OSBPL1A: variants seen among roughly 807,000 people sequenced by gnomAD.
OSBPL1A encodes the protein oxysterol-binding protein-related protein 1.
OSBPL1A carries 80 observed loss-of-function variants against 137.1 expected under a neutral mutation model. That is an observed-to-expected ratio of 0.58 (90% CI 0.49 to 0.70). OSBPL1A has a LOEUF of 0.70. Among genes scored for constraint, OSBPL1A ranks in the 30% least tolerant of loss-of-function variants. OSBPL1A has a pLI of 0.00. For missense variants in OSBPL1A, 970 were observed against 1,129.4 expected, an observed-to-expected ratio of 0.86 and a Z score of 2.02; for synonymous variants, 365 against 389.7, an observed-to-expected ratio of 0.94 and a Z score of 0.75.
In OSBPL1A at chr18:24,163,241, C is replaced by G; in HGVS notation, c.2791G>C (p.Asp931His). 6.2e-7 allele frequency: 1 copy of G among 1,613,528 alleles called. No homozygotes were observed. Among genetic ancestry groups the G allele is most frequent in the Non-Finnish European group, 8.5e-7 (1 of 1,179,674 alleles). Residue 931 changes from aspartate to histidine, a missense_variant, in exon 28 of 28, where the codon GAC becomes CAC. This residue lies in a region of OSBPL1A where 323 missense variants were observed against 456.8 expected (regional missense o/e 0.71). Coordinates refer to ENST00000319481, the MANE Select transcript of OSBPL1A (RefSeq NM_080597.4). Reference protein sequence around the residue: ...QGPNPYNGAQDWIYSGSYWDR... With the variant: ...QGPNPYNGAQHWIYSGSYWDR... ...CAGTAGCTGCCAGAGTAAATCCAGT[C>G]CTGTGCTCCATTGTAGGGATTAGGA...
At chr18:24,243,681 T>C (rs944237149) in intron 15 of OSBPL1A, among the ~76,000 whole-genome samples, 21 of 152,180 alleles carry the variant, frequency 1.4e-4, no homozygotes, top group African/African-American at 4.8e-4. Context: ...GTAAAAGGGG[T>C]TGGAAACAGG....
At chr18:24,341,424 A>C (rs2091271106) in intron 5 of OSBPL1A, 123 bp downstream of exon 5, 10 of 662,502 alleles carry the variant, frequency 1.5e-5, no homozygotes, top group Non-Finnish European at 2.4e-5. Context: ...CCAAGATGAC[A>C]TTATCATTAG....
At chr18:24,329,232 T>G (rs1199787500) in intron 7 of OSBPL1A, among the ~76,000 whole-genome samples, 1 of 151,840 alleles carries the variant, frequency 6.6e-6, no homozygotes, top group Non-Finnish European at 1.5e-5. Flanking sequence ...AGCAAAAGGG[T>G]GAGACCCCAT....
At chr18:24,251,017 C>T (rs2089071998) in intron 15 of OSBPL1A, among the ~76,000 whole-genome samples, 1 of 152,178 alleles carries the variant, frequency 6.6e-6, no homozygotes, top group Admixed American at 6.5e-5. Flanking sequence ...GGAGAGGCTC[C>T]TGTGCCTGTG....
chr18:24,301,036 T>C lies in OSBPL1A; in HGVS notation c.1174+2601A>G, dbSNP rs2146099371. On this transcript the variant is annotated intron_variant, in intron 14 of 27. Transcript: ENST00000319481. ...ATAAAGCACATGGCAGGTAAAAGAC[T>C]ATCCTGTACAAACCCTTGACAGTAA... Among the ~76,000 whole-genome samples the C allele has an allele frequency of 1.3e-5, 2 of 152,248 alleles. 1 individual carries two copies. The highest frequency in any genetic ancestry group is 4.1e-4 in the South Asian group (2 of 4,828).
At position 24,175,135 on chromosome 18, in the gene OSBPL1A, T is replaced by C. The variant is rs200664044; in HGVS notation, c.2094-2652A>G. 4.7e-3 allele frequency among the ~76,000 whole-genome samples: 459 copies of C among 96,636 alleles called. 22 individuals are homozygous for C. The highest frequency in any genetic ancestry group is 0.018 in the African/African-American group (385 of 21,864). 63.4% of individuals were successfully genotyped at this position (96,636 alleles called of 152,430 possible). A position where few individuals can be genotyped will look rare whatever the true frequency, so the allele number is the denominator to read the frequency against. ...ATATATATATATATATATATATATA[T>C]ACACATATATATATATATATGAAGT... On this transcript the variant is annotated intron_variant, in intron 21 of 27. Transcript: ENST00000319481.
At chr18:24,392,357 C>G (rs1422701667) in intron 1 of OSBPL1A, among the ~76,000 whole-genome samples, 1 of 150,310 alleles carries the variant, frequency 6.7e-6, no homozygotes, top group Admixed American at 6.6e-5. Flanking sequence ...TGGGGTTTCT[C>G]CATGTTGGTC....
intron 17 of OSBPL1A, among the ~76,000 whole-genome samples, chr18:24,203,166 G>C (rs1367841628): frequency 1.3e-5 from 2 of 151,994 alleles, no homozygotes; most frequent in African/African-American, 4.8e-5. Context: ...TAGTAGAGAT[G>C]GGGTTTCACC....
chr18:24,313,841 C>T (rs546545170), intron 12 of OSBPL1A, among the ~76,000 whole-genome samples: 3 of 152,326 alleles, frequency 2.0e-5, no homozygotes, highest in Admixed American at 6.5e-5. Flanking sequence ...GTGGCTCATG[C>T]CTGTAATCCC....
intron 12 of OSBPL1A, among the ~76,000 whole-genome samples, chr18:24,313,784 C>A (rs999811715): frequency 3.3e-5 from 5 of 152,158 alleles, no homozygotes; most frequent in African/African-American, 1.2e-4. Flanking sequence ...AATTCATGTA[C>A]CAAATTTTAA....
chr18:24,360,725 G>C (rs909664867), intron 4 of OSBPL1A, among the ~76,000 whole-genome samples: 2 of 152,082 alleles, frequency 1.3e-5, no homozygotes, highest in Admixed American at 1.3e-4. Flanking sequence ...GGTATCTCAG[G>C]TACTCTGTTT....
chr18:24,336,536 G>A (rs934768386), intron 5 of OSBPL1A, among the ~76,000 whole-genome samples: 2 of 152,000 alleles, frequency 1.3e-5, no homozygotes, highest in Non-Finnish European at 2.9e-5. Flanking sequence ...TCGTTCTAAA[G>A]GAGCTATACA....
At chr18:24,388,598 G>A (rs1411026339) in intron 1 of OSBPL1A, among the ~76,000 whole-genome samples, 5 of 151,842 alleles carry the variant, frequency 3.3e-5, no homozygotes, top group East Asian at 1.9e-4. Context: ...TCAGGAGTTC[G>A]AGAGCAGCTT....
intron 20 of OSBPL1A, 40 bp downstream of exon 20, chr18:24,179,698 T>C (rs1275040607): frequency 6.6e-7 from 1 of 1,516,284 alleles, no homozygotes; most frequent in Non-Finnish European, 9.2e-7. Context: ...CTCCTCTTCA[T>C]CTGCAACGCT....
intron 1 of OSBPL1A, among the ~76,000 whole-genome samples, chr18:24,390,694 C>CAAAAAAAAAAA (rs751432894): frequency 2.0e-4 from 11 of 56,200 alleles, no homozygotes; most frequent in African/African-American, 6.4e-4. Context: ...GACTCCGTCT[C>CAAAAAAAAAAA]AAAAAAAAAA....
chr18:24,300,219 A>C (rs1036100401), intron 14 of OSBPL1A, among the ~76,000 whole-genome samples: 1 of 152,238 alleles, frequency 6.6e-6, no homozygotes, highest in Admixed American at 6.5e-5. Context: ...AGAAAATAAA[A>C]GGTATATTTC....
At chr18:24,327,363 G>A (rs559551667) in intron 7 of OSBPL1A, among the ~76,000 whole-genome samples, 1 of 152,098 alleles carries the variant, frequency 6.6e-6, no homozygotes, top group Admixed American at 6.6e-5. Context: ...CTGCCAAAGT[G>A]CTGGGATTAC....
intron 4 of OSBPL1A, among the ~76,000 whole-genome samples, chr18:24,356,132 C>T (rs1006369911): frequency 2.0e-5 from 3 of 151,938 alleles, no homozygotes; most frequent in South Asian, 2.1e-4. Flanking sequence ...GCTGAGATCG[C>T]GCCACTGCAT....
chr18:24,286,427 A>G (rs1387676346), intron 14 of OSBPL1A, among the ~76,000 whole-genome samples: 1 of 152,216 alleles, frequency 6.6e-6, no homozygotes, highest in Non-Finnish European at 1.5e-5. Flanking sequence ...CTGACCATTT[A>G]ATCTATATAT....
Sources: allele counts gnomAD v4.1 joint callset (sites outside exome capture counted in the v4.1 genomes callset), GRCh38; gene constraint gnomAD v4.1.1; regional missense constraint gnomAD v4.1.1; transcripts MANE v1.5; gene names NCBI Gene and HGNC (gene_info 2026-07-23, HGNC 2026-07-21).